The following PDE10A variants were observed in gnomAD, a reference collection of about 807,000 sequenced individuals.
The protein encoded by PDE10A is phosphodiesterase 10A, also known as cAMP and cAMP-inhibited cGMP 3',5'-cyclic phosphodiesterase 10A.
PDE10A carries 39 observed loss-of-function variants against 97.7 expected under a neutral mutation model. That is an observed-to-expected ratio of 0.40 (90% confidence interval 0.31 to 0.52). The LOEUF is 0.52. PDE10A is among the 20% of genes least tolerant of loss of function. The probability of loss-of-function intolerance (pLI) is 0.56; values close to 1 mark genes in which losing one functional copy is unlikely to be tolerated. For synonymous variants in PDE10A, 371 were observed against 376.8 expected (o/e 0.98, Z 0.18); for missense variants, 731 against 1,047.8 (o/e 0.70, Z 4.17).
intron 18 of PDE10A, among the ~76,000 whole-genome samples, chr6:165,345,449 T>TA (rs2128182492): frequency 6.6e-6 from 1 of 152,322 alleles, no homozygotes; most frequent in Admixed American, 6.5e-5. Flanking sequence ...TCCAAACCAG[T>TA]TAGATGGCCA....
At chr6:165,583,104 T>C (rs181110414) in intron 1 of PDE10A, among the ~76,000 whole-genome samples, 1 of 152,322 alleles carries the variant, frequency 6.6e-6, no homozygotes, top group East Asian at 1.9e-4. Flanking sequence ...GCGGGGGCAG[T>C]ATACTAATCA....
At chr6:165,622,855 G>T (rs566601396) in intron 1 of PDE10A, among the ~76,000 whole-genome samples, 1 of 152,180 alleles carries the variant, frequency 6.6e-6, no homozygotes, top group Non-Finnish European at 1.5e-5. Flanking sequence ...GTGGGGCCCC[G>T]TGGGAGGTGT....
At chr6:165,618,994 CTAGTGTAGT>C (rs1787862485) in intron 1 of PDE10A, among the ~76,000 whole-genome samples, 2 of 62,924 alleles carry the variant, frequency 3.2e-5, no homozygotes, top group Admixed American at 3.0e-4. Flanking sequence ...GTAGTGTAGT[CTAGTGTAGT>C]GTAGTCTAGT....
At chr6:165,571,589 T>C (rs993422843) in intron 1 of PDE10A, among the ~76,000 whole-genome samples, 6 of 152,226 alleles carry the variant, frequency 3.9e-5, no homozygotes, top group Non-Finnish European at 7.3e-5. Context: ...GTTCTCTCAT[T>C]TGTGACCTCA....
At chr6:165,822,223 C>T (rs1779594113) in intron 1 of PDE10A, among the ~76,000 whole-genome samples, 1 of 152,000 alleles carries the variant, frequency 6.6e-6, no homozygotes, top group African/African-American at 2.4e-5. Context: ...CACCACACAC[C>T]TGGGCTGGAT....
intron 1 of PDE10A, among the ~76,000 whole-genome samples, chr6:165,913,333 G>T (rs1429999236): frequency 6.6e-6 from 1 of 150,452 alleles, no homozygotes; most frequent in Admixed American, 6.6e-5. Flanking sequence ...AGTGTTCATG[G>T]GAGTTCCAGG....
chr6:165,759,815 G>A (rs1554317533), intron 1 of PDE10A, among the ~76,000 whole-genome samples: 1 of 152,138 alleles, frequency 6.6e-6, no homozygotes. Flanking sequence ...TGGGCTCCTG[G>A]CCTACATGGT....
At chr6:165,436,476 A>G (rs1016618617) in intron 5 of PDE10A, among the ~76,000 whole-genome samples, 2 of 152,182 alleles carry the variant, frequency 1.3e-5, no homozygotes, top group Non-Finnish European at 2.9e-5. Flanking sequence ...AGGAAGGGAG[A>G]GAAAAGCAAA....
chr6:165,543,678 G>A (rs1004916670), intron 1 of PDE10A, 110 bp from the exon 2 acceptor site: 36 of 784,824 alleles, frequency 4.6e-5, no homozygotes, highest in South Asian at 3.8e-4. Context: ...CTCATCTAAC[G>A]GAGAGAGGGC....
intron 1 of PDE10A, among the ~76,000 whole-genome samples, chr6:165,785,097 T>C (rs1349743439): frequency 6.6e-6 from 1 of 152,252 alleles, no homozygotes; most frequent in Non-Finnish European, 1.5e-5. Flanking sequence ...AATTCTTTCA[T>C]CACTGCTTTG....
chr6:165,716,715 A>G (rs1792034818), intron 1 of PDE10A, among the ~76,000 whole-genome samples: 1 of 152,168 alleles, frequency 6.6e-6, no homozygotes, highest in African/African-American at 2.4e-5. Flanking sequence ...TCTGTTATGA[A>G]GAAAAGCAAG....
At chr6:165,823,417 C>T (rs940634071) in intron 1 of PDE10A, among the ~76,000 whole-genome samples, 3 of 143,442 alleles carry the variant, frequency 2.1e-5, no homozygotes, top group Non-Finnish European at 4.5e-5. Flanking sequence ...ATGCATGGAG[C>T]GGTCATCTCC....
chr6:165,667,852 C>A (rs567452555), upstream of PDE10A, among the ~76,000 whole-genome samples: 3 of 152,022 alleles, frequency 2.0e-5, no homozygotes, highest in Non-Finnish European at 4.4e-5. Context: ...CTTAGGATAA[C>A]CATGTGAATA....
chr6:165,822,615 TA>T (rs34504537), intron 1 of PDE10A, among the ~76,000 whole-genome samples: 35,324 of 144,550 alleles, frequency 0.24, 4,238 homozygotes, highest in Middle Eastern at 0.31. Context: ...GGTATAAGCT[TA>T]AAAAAAAAAA....
chr6:165,696,505 G>A (rs960360576), intron 1 of PDE10A, among the ~76,000 whole-genome samples: 3 of 152,126 alleles, frequency 2.0e-5, no homozygotes, highest in Non-Finnish European at 1.5e-5. Flanking sequence ...CATAGTATAT[G>A]TAGGGTTTGG....
chr6:165,672,786 G>A (rs1270427837), intron 1 of PDE10A, among the ~76,000 whole-genome samples: 1 of 152,156 alleles, frequency 6.6e-6, no homozygotes, highest in Non-Finnish European at 1.5e-5. Context: ...CCCAGTCTCA[G>A]GTATATCTTT....
chr6:165,814,649 A>T (rs1255512616), intron 1 of PDE10A, among the ~76,000 whole-genome samples: 1 of 152,172 alleles, frequency 6.6e-6, no homozygotes, highest in Non-Finnish European at 1.5e-5. Context: ...TTTGTAAGAA[A>T]CCTCTTCATA....
chr6:165,510,154 A>G (rs1240883374), intron 2 of PDE10A, among the ~76,000 whole-genome samples: 1 of 152,028 alleles, frequency 6.6e-6, no homozygotes, highest in East Asian at 1.9e-4. Context: ...GTCTTGTTCC[A>G]GGTCTTACAT....
intron 1 of PDE10A, among the ~76,000 whole-genome samples, chr6:165,823,511 T>A (rs1370694365): frequency 3.6e-4 from 35 of 97,320 alleles, no homozygotes; most frequent in Non-Finnish European, 3.7e-4. Flanking sequence ...TATATATATA[T>A]ATATATATAT....
Sources: gnomAD v4.1 joint callset for allele counts (sites outside exome capture counted in the v4.1 genomes callset) on GRCh38, gnomAD v4.1.1 for gene constraint, MANE v1.5 for transcripts, NCBI Gene and HGNC (gene_info 2026-07-23, HGNC 2026-07-21) for gene names.